RPS6KA2: variants seen among roughly 807,000 people sequenced by gnomAD.
RPS6KA2 encodes ribosomal protein S6 kinase A2, also known as ribosomal protein S6 kinase alpha-2.
Under a neutral mutation model 91.8 loss-of-function variants are expected in RPS6KA2, and 42 were observed. The observed-to-expected ratio is 0.46, with a 90% CI of 0.36 to 0.59. The LOEUF is 0.59. RPS6KA2 is among the 20% of genes least tolerant of loss of function. The pLI is 0.00. For synonymous variants in RPS6KA2, 414 were observed against 393.6 expected (o/e 1.05, Z -0.61); for missense variants, 798 against 978.5 (o/e 0.82, Z 2.46).
chr6:166,474,193 CA>C (rs1393626937), intron 10 of RPS6KA2, among the ~76,000 whole-genome samples: 2 of 152,136 alleles, frequency 1.3e-5, no homozygotes, highest in Non-Finnish European at 2.9e-5. Flanking sequence ...TGGCTTATGA[CA>C]GGCAGTCCCA....
chr6:166,651,488 C>T (rs1025539567), intron 2 of RPS6KA2, among the ~76,000 whole-genome samples: 10 of 152,122 alleles, frequency 6.6e-5, no homozygotes, highest in Admixed American at 1.3e-4. Flanking sequence ...TCTTTTGTTG[C>T]TTAGCTTAAC....
chr6:166,553,024 C>T (rs888620256), intron 1 of RPS6KA2, among the ~76,000 whole-genome samples: 6 of 152,238 alleles, frequency 3.9e-5, no homozygotes, highest in Admixed American at 3.3e-4. Context: ...CATATGAACA[C>T]ACACTTATAT....
intron 10 of RPS6KA2, among the ~76,000 whole-genome samples, chr6:166,476,885 G>A (rs1562521366): frequency 6.6e-6 from 1 of 152,150 alleles, no homozygotes; most frequent in African/African-American, 2.4e-5. Flanking sequence ...GGAGGTGTGC[G>A]ATTGCCTTGC....
At chr6:166,836,200 T>G (rs1334094847) in intron 2 of RPS6KA2, among the ~76,000 whole-genome samples, 2 of 152,042 alleles carry the variant, frequency 1.3e-5, no homozygotes, top group East Asian at 3.8e-4. Context: ...TAGTTTTCTG[T>G]TTTTGTTTTT....
Position 166,493,461 on chromosome 6 carries a change from C to A in RPS6KA2, c.748-2720G>T, listed in dbSNP as rs1254489187. Reference sequence around the variant, plus strand: ...TTACAGTAAGACTTTTGCTGTGTTGCTGAGCAGCACTGAGACTTGCCAAGG... The same window carrying A: ...TTACAGTAAGACTTTTGCTGTGTTGATGAGCAGCACTGAGACTTGCCAAGG... On this transcript the variant is annotated intron_variant, in intron 8 of 20. Coordinates refer to ENST00000265678, the MANE Select transcript of RPS6KA2 (RefSeq NM_021135.6). This position sits in a 1 kb window ranked among gnomAD's most constrained non-coding sequence, Gnocchi z 4.7. Among the ~76,000 whole-genome samples the A allele has an allele frequency of 6.6e-6, 1 of 152,096 alleles. No homozygotes were observed. Among genetic ancestry groups the A allele is most frequent in the Non-Finnish European group, 1.5e-5 (1 of 68,028 alleles).
chr6:166,797,716 T>C (rs2128616761), intron 2 of RPS6KA2, among the ~76,000 whole-genome samples: 1 of 151,852 alleles, frequency 6.6e-6, no homozygotes, highest in South Asian at 2.1e-4. Context: ...TGGGAGAAAA[T>C]CTGCATATAA....
At chr6:166,800,551 C>G (rs1779342083) in intron 2 of RPS6KA2, among the ~76,000 whole-genome samples, 1 of 152,176 alleles carries the variant, frequency 6.6e-6, no homozygotes, top group Non-Finnish European at 1.5e-5. Context: ...GAGGACACAG[C>G]ACTTAGCCCC....
chr6:166,520,316 C>A (rs1583234319), intron 3 of RPS6KA2, among the ~76,000 whole-genome samples: 1 of 152,282 alleles, frequency 6.6e-6, no homozygotes, highest in Admixed American at 6.5e-5. Context: ...GGAACTTATA[C>A]CACCAGCTCT....
At chr6:166,755,673 G>A (rs753701646) in intron 2 of RPS6KA2, among the ~76,000 whole-genome samples, 14 of 152,048 alleles carry the variant, frequency 9.2e-5, no homozygotes, top group Non-Finnish European at 1.8e-4. Context: ...CTAAACAAAC[G>A]CACTTATGGA....
chr6:166,566,498 T>G (rs1784509855), intron 1 of RPS6KA2, among the ~76,000 whole-genome samples: 1 of 152,226 alleles, frequency 6.6e-6, no homozygotes, highest in Non-Finnish European at 1.5e-5. Flanking sequence ...TCCAGATGAT[T>G]CTGAAGCACC....
At chr6:166,811,846 A>G (rs1317364610) in intron 2 of RPS6KA2, among the ~76,000 whole-genome samples, 1 of 152,238 alleles carries the variant, frequency 6.6e-6, no homozygotes, top group South Asian at 2.1e-4. Context: ...AACAGCTCTC[A>G]AAAATTAAAA....
At chr6:166,420,954 G>A (rs1778700465) in intron 17 of RPS6KA2, among the ~76,000 whole-genome samples, 1 of 152,312 alleles carries the variant, frequency 6.6e-6, no homozygotes, top group African/African-American at 2.4e-5. Flanking sequence ...TAAATATCGA[G>A]TCGGGAGAGC....
In RPS6KA2 at chr6:166,412,736, G is replaced by A. The variant is rs774716697; in HGVS notation, c.*26C>T. 5 of 1,568,340 alleles carry A rather than the reference G, an allele frequency of 3.2e-6. No homozygotes were observed. The highest frequency in any genetic ancestry group is 4.3e-6 in the Non-Finnish European group (5 of 1,157,384). On this transcript the variant is annotated 3_prime_UTR_variant, in exon 21 of 21. Coordinates refer to ENST00000265678, the MANE Select transcript of RPS6KA2 (RefSeq NM_021135.6). The surrounding 1 kb of genome is among the most constrained non-coding windows in gnomAD (Gnocchi z 4.3). Reference sequence around the variant, plus strand: ...GTGAGCCCACGAGGATGCTGGCAGGGGACGCTGGGGCCAGGGTCCCACCCG... The same window carrying A: ...GTGAGCCCACGAGGATGCTGGCAGGAGACGCTGGGGCCAGGGTCCCACCCG...
Position 166,510,276 on chromosome 6 carries a change from C to T in RPS6KA2, c.379+1G>A. ...TAAAGTGTCATTTTGACTCTACTTA[C>T]CATAATGAAGCTTCACAATGAAGGG... is the stretch of plus-strand genomic sequence containing the variant. On this transcript the variant is annotated splice_donor_variant, in intron 4 of 20. Coordinates refer to ENST00000265678, the MANE Select transcript of RPS6KA2 (RefSeq NM_021135.6). LOFTEE classifies it high-confidence loss of function. 1.9e-6 allele frequency: 3 copies of T among 1,584,278 alleles called. No homozygotes were observed. The highest frequency in any genetic ancestry group is 1.7e-5 in the Admixed American group (1 of 59,056).
Position 166,531,291 on chromosome 6 carries a change from T to C in RPS6KA2, c.239A>G (p.Lys80Arg), listed in dbSNP as rs1414042106. 1.9e-6 allele frequency: 3 copies of C among 1,614,040 alleles called. No individual in the cohort carries two copies. Among genetic ancestry groups the C allele is most frequent in the Non-Finnish European group, 2.5e-6 (3 of 1,179,900 alleles). Residue 80 changes from lysine to arginine, a missense_variant, in exon 3 of 21, where the codon AAG (lysine) becomes AGG (arginine). By Grantham distance (26) the Lys-to-Arg change is conservative. Coordinates refer to ENST00000265678, the MANE Select transcript of RPS6KA2 (RefSeq NM_021135.6). ...YGKVFLVRKV[K>R]GSDAGQLYAM... is the part of the protein sequence containing the mutation. The stretch of plus-strand genomic sequence containing the variant: ...GTAGAGCTGCCCAGCGTCGGACCCC[T>C]TCACCTTCCTCACCAGGAACACCTT...
intron 2 of RPS6KA2, among the ~76,000 whole-genome samples, chr6:166,855,816 A>G (rs1043282246): frequency 6.6e-6 from 1 of 152,218 alleles, no homozygotes; most frequent in Non-Finnish European, 1.5e-5. Flanking sequence ...CTAAATATCA[A>G]GATTATAGTT....
At position 166,770,800 on chromosome 6, in the gene RPS6KA2, T is replaced by C. The variant is rs1033625198; in HGVS notation, c.123+87400A>G. The C allele has an allele frequency of 1.0e-5, 15 of 1,474,210 alleles. No homozygotes were observed. Among genetic ancestry groups the C allele is most frequent in the African/African-American group, 4.3e-5 (3 of 70,386 alleles). The allele number at this position is 1,474,210 out of a possible 1,614,324, so 91.3% of individuals were successfully genotyped here. A position where few individuals can be genotyped will look rare whatever the true frequency, so the allele number is the denominator to read the frequency against. On this transcript the variant is annotated intron_variant, in intron 2 of 21. Coordinates refer to the RPS6KA2 transcript ENST00000503859. The surrounding 1 kb of genome is among the most constrained non-coding windows in gnomAD (Gnocchi z 5.1). ...AATTGAAAAAGACTTCATGTTTAAC[T>C]TAAAAAAAAAATGTAACTCACATAA...
chr6:166,798,825 C>A (rs1430062223), intron 2 of RPS6KA2, among the ~76,000 whole-genome samples: 1 of 152,208 alleles, frequency 6.6e-6, no homozygotes, highest in African/African-American at 2.4e-5. Flanking sequence ...AAACCCCTCT[C>A]CAGGGTGTGT....
chr6:166,543,709 A>G (rs1783731944), intron 1 of RPS6KA2, among the ~76,000 whole-genome samples: 1 of 152,192 alleles, frequency 6.6e-6, no homozygotes. Context: ...CGGGCTTTAT[A>G]AACCATGTGA....
Sources: gnomAD v4.1 joint callset for allele counts (sites outside exome capture counted in the v4.1 genomes callset) on GRCh38, gnomAD v4.1.1 for gene constraint, Gnocchi (gnomAD v3.1) non-coding constraint, MANE v1.5 for transcripts, NCBI Gene and HGNC (gene_info 2026-07-23, HGNC 2026-07-21) for gene names.